The following NRXN3 variants were observed in gnomAD, a reference collection of about 807,000 sequenced individuals.
The protein encoded by NRXN3 is neurexin 3.
Under a neutral mutation model 137.6 loss-of-function variants are expected in NRXN3, and 32 were observed. The observed-to-expected ratio is 0.23, with a 90% confidence interval of 0.18 to 0.31. The LOEUF is 0.31. Among genes scored for constraint, NRXN3 ranks in the 10% least tolerant of loss-of-function variants. NRXN3 has a pLI of 1.00. For synonymous variants in NRXN3, 798 were observed against 784.5 expected, an observed-to-expected ratio of 1.02 and a Z score of -0.29; for missense variants, 1,574 against 2,062.5, an observed-to-expected ratio of 0.76 and a Z score of 4.59.
At chr14:79,757,392 C>T (rs1033517010) in intron 19 of NRXN3, among the ~76,000 whole-genome samples, 4 of 152,194 alleles carry the variant, frequency 2.6e-5, no homozygotes, top group Non-Finnish European at 5.9e-5. Context: ...TGCAGAAAAG[C>T]CCAAACAGAA....
chr14:79,253,375 A>G (rs1261715266), intron 15 of NRXN3, among the ~76,000 whole-genome samples: 1 of 152,170 alleles, frequency 6.6e-6, no homozygotes, highest in African/African-American at 2.4e-5. Flanking sequence ...GGACAATGAC[A>G]TACGTGGCCT....
chr14:78,901,318 A>G lies in NRXN3; in HGVS notation c.2276-55924A>G, dbSNP rs1027360295. Among the ~76,000 whole-genome samples the G allele has an allele frequency of 4.0e-5, 6 of 151,712 alleles. No individual in the cohort carries two copies. The East Asian group carries it at 1.2e-3, about 30-fold the overall frequency. ...TTATTCTTTCTTTTTTCTCTATCACATATCTTGGCTCTAACTCACCTGCTT... is the reference window on the plus strand; with the variant it reads ...TTATTCTTTCTTTTTTCTCTATCACGTATCTTGGCTCTAACTCACCTGCTT... On this transcript the variant is annotated intron_variant, in intron 10 of 20. Transcript: ENST00000335750.
chr14:78,920,091 A>G (rs567124143), intron 10 of NRXN3, among the ~76,000 whole-genome samples: 2 of 152,350 alleles, frequency 1.3e-5, no homozygotes, highest in South Asian at 4.1e-4. Context: ...TACAGCTTAA[A>G]ACAACAACGT....
At chr14:78,735,660 A>C (rs1251649058) in intron 8 of NRXN3, among the ~76,000 whole-genome samples, 1 of 152,168 alleles carries the variant, frequency 6.6e-6, no homozygotes, top group Non-Finnish European at 1.5e-5. Flanking sequence ...GAGAGGTAGA[A>C]TCTTCTCAGT....
intron 8 of NRXN3, among the ~76,000 whole-genome samples, chr14:78,759,206 T>C (rs543962025): frequency 6.6e-6 from 1 of 152,130 alleles, no homozygotes; most frequent in African/African-American, 2.4e-5. Flanking sequence ...AAGCTCACAC[T>C]CTGCCTCATG....
In NRXN3 at chr14:78,198,713, A is replaced by G. The variant is rs544785802; in HGVS notation, c.-704+28039A>G. Among the ~76,000 whole-genome samples the G allele has an allele frequency of 2.6e-5, 4 of 152,338 alleles. No homozygotes were observed. In the East Asian group the frequency reaches 5.8e-4, roughly 22 times the overall value. On this transcript the variant is annotated intron_variant, in intron 1 of 20. Coordinates refer to ENST00000335750, the MANE Select transcript of NRXN3 (RefSeq NM_001330195.2). ...TTTGCTTCTTGCAAATAAAAAGTTT[A>G]TTAATAGTTCAAGTCTTCTTTGAGG...
intron 4 of NRXN3, among the ~76,000 whole-genome samples, chr14:78,416,779 T>C (rs1187247529): frequency 6.6e-6 from 1 of 152,150 alleles, no homozygotes; most frequent in East Asian, 1.9e-4. Context: ...GAGAGGCAGG[T>C]AGGAAAACTG....
chr14:79,306,539 G>A (rs2086096087), intron 15 of NRXN3, among the ~76,000 whole-genome samples: 1 of 152,030 alleles, frequency 6.6e-6, no homozygotes, highest in Non-Finnish European at 1.5e-5. Flanking sequence ...TTAATACAAG[G>A]CTATTTGTTT....
chr14:78,610,829 C>G (rs781555695), intron 4 of NRXN3, among the ~76,000 whole-genome samples: 1 of 152,192 alleles, frequency 6.6e-6, no homozygotes, highest in African/African-American at 2.4e-5. Flanking sequence ...TCCACATCCA[C>G]TCAGCTGCTG....
intron 4 of NRXN3, among the ~76,000 whole-genome samples, chr14:78,492,591 G>T (rs2095689221): frequency 6.6e-6 from 1 of 151,854 alleles, no homozygotes; most frequent in Admixed American, 6.6e-5. Context: ...CATATAAATG[G>T]GTGTTCACAC....
At chr14:78,607,890 G>A (rs74064319) in intron 4 of NRXN3, among the ~76,000 whole-genome samples, 5,459 of 152,154 alleles carry the variant, frequency 0.036, 349 homozygotes, top group African/African-American at 0.13. Context: ...GAGTAGAAGA[G>A]TTGACTGGTA....
intron 3 of NRXN3, among the ~76,000 whole-genome samples, chr14:78,294,645 G>T (rs1283791140): frequency 6.6e-6 from 1 of 151,710 alleles, no homozygotes; most frequent in Non-Finnish European, 1.5e-5. Flanking sequence ...TTTGAGGTAG[G>T]CATTATTATT....
chr14:79,508,389 G>GGTTTTTTTTTTTTTTTTTTTTTTT (rs1567328889), intron 16 of NRXN3, among the ~76,000 whole-genome samples: 2 of 12,560 alleles, frequency 1.6e-4, no homozygotes, highest in Non-Finnish European at 1.5e-4. Flanking sequence ...AACAATAACT[G>GGTTTTTTTTTTTTTTTTTTTTTTT]ATTTTTTTTT....
At chr14:79,813,771 A>G (rs965891972) in intron 20 of NRXN3, among the ~76,000 whole-genome samples, 1 of 152,138 alleles carries the variant, frequency 6.6e-6, no homozygotes, top group African/African-American at 2.4e-5. Context: ...CCATATCTGC[A>G]TGGACCACTT....
At chr14:79,687,561 C>G (rs151044732) in intron 17 of NRXN3, among the ~76,000 whole-genome samples, 1 of 152,234 alleles carries the variant, frequency 6.6e-6, no homozygotes, top group East Asian at 1.9e-4. Context: ...TTAGTGTCAA[C>G]AAAGCAATAA....
At chr14:78,274,134 A>G (rs531051597) in intron 2 of NRXN3, among the ~76,000 whole-genome samples, 1 of 152,334 alleles carries the variant, frequency 6.6e-6, no homozygotes, top group South Asian at 2.1e-4. Flanking sequence ...CGGCTGAGCT[A>G]GCTTCTGCAA....
At chr14:78,239,319 T>C (rs533147997) in intron 1 of NRXN3, among the ~76,000 whole-genome samples, 3 of 152,360 alleles carry the variant, frequency 2.0e-5, no homozygotes, top group East Asian at 1.9e-4. Context: ...TAGTTTGTGA[T>C]GCCCTGGAGG....
chr14:78,369,285 CA>C (rs773266627), intron 4 of NRXN3, among the ~76,000 whole-genome samples: 1,915 of 131,892 alleles, frequency 0.015, 25 homozygotes, highest in African/African-American at 0.042. Context: ...AAGGTTTTTG[CA>C]AAAAAAAAAA....
At chr14:79,122,546 ATAT>A (rs1195658725) in intron 15 of NRXN3, among the ~76,000 whole-genome samples, 1 of 152,230 alleles carries the variant, frequency 6.6e-6, no homozygotes, top group African/African-American at 2.4e-5. Context: ...AGACATTCTA[ATAT>A]TATTTGGATA....
Sources: allele counts gnomAD v4.1 joint callset (sites outside exome capture counted in the v4.1 genomes callset), GRCh38; gene constraint gnomAD v4.1.1; transcripts MANE v1.5; gene names NCBI Gene and HGNC (gene_info 2026-07-23, HGNC 2026-07-21).